SAMD8: variants seen among roughly 807,000 people sequenced by gnomAD.
The protein encoded by SAMD8 is sterile alpha motif domain containing 8.
SAMD8 carries 20 observed loss-of-function variants against 42.0 expected under a neutral mutation model. The ratio of observed to expected loss-of-function variants is 0.48; its 90% CI spans 0.34 to 0.69. SAMD8 has a LOEUF of 0.69. Ranked by LOEUF, SAMD8 falls within the 30% of genes least tolerant of loss-of-function variation. The pLI is 0.01. For missense variants in SAMD8, 328 were observed against 511.6 expected (o/e 0.64, Z 3.46); for synonymous variants, 162 against 173.0 (o/e 0.94, Z 0.50).
At chr10:75,141,702 C>T (rs1277624589) in intron 1 of SAMD8, among the ~76,000 whole-genome samples, 3 of 151,208 alleles carry the variant, frequency 2.0e-5, no homozygotes, top group Admixed American at 1.3e-4. Flanking sequence ...CCACCATGCC[C>T]GGCTAATTTT....
At chr10:75,148,291 A>G (rs867737146) in intron 1 of SAMD8, among the ~76,000 whole-genome samples, 3 of 150,580 alleles carry the variant, frequency 2.0e-5, no homozygotes, top group Admixed American at 6.6e-5. Context: ...AAGTTACTGT[A>G]AGTCTTCGTG....
upstream of SAMD8, among the ~76,000 whole-genome samples, chr10:75,107,549 G>A (rs1373859462): frequency 6.6e-6 from 1 of 152,060 alleles, no homozygotes; most frequent in African/African-American, 2.4e-5. Context: ...AATCGGGTTC[G>A]ACAAAATGCT....
At chr10:75,160,298 G>A (rs1206012541) in intron 2 of SAMD8, among the ~76,000 whole-genome samples, 3 of 151,802 alleles carry the variant, frequency 2.0e-5, no homozygotes, top group East Asian at 1.9e-4. Flanking sequence ...CTGGGTTCAC[G>A]CCATTCTCCT....
In SAMD8 at chr10:75,149,002, CT is replaced by C. The variant is rs200219461; in HGVS notation, c.-15-1505del. On this transcript the variant is annotated intron_variant, in intron 1 of 5. Coordinates refer to ENST00000542569, the MANE Select transcript of SAMD8 (RefSeq NM_001174156.2). The stretch of plus-strand genomic sequence containing the variant: ...GAACATTTGTATTAGAACAGTTTTT[CT>C]TTTTTTCAAGCTGGGTAATAGGCAC... Among the ~76,000 whole-genome samples the C allele has an allele frequency of 8.7e-3, 1,314 of 151,736 alleles. 7 individuals are homozygous for C. Among genetic ancestry groups the C allele is most frequent in the Non-Finnish European group, 0.016 (1,076 of 67,864 alleles).
chr10:75,102,002 A>G (rs746920766), intron 1 of SAMD8: 1 of 1,332,288 alleles, frequency 7.5e-7, no homozygotes, highest in East Asian at 4.7e-5. Flanking sequence ...CATGCTGTCT[A>G]CTCCCCTCTT....
intron 3 of SAMD8, among the ~76,000 whole-genome samples, chr10:75,166,522 T>A (rs192475824): frequency 2.0e-5 from 3 of 152,108 alleles, no homozygotes; most frequent in African/African-American, 7.2e-5. Context: ...TAAACCACAG[T>A]GATGAGCTTT....
chr10:75,107,514 G>T (rs1848586702), upstream of SAMD8, among the ~76,000 whole-genome samples: 1 of 152,160 alleles, frequency 6.6e-6, no homozygotes, highest in Non-Finnish European at 1.5e-5. Context: ...TGTATTCCAG[G>T]CCTCAGTTTC....
rs563923231 is a variant in SAMD8 at position 75,136,244 on chromosome 10, T to C, written c.-15-14270T>C. 3.3e-5 allele frequency among the ~76,000 whole-genome samples: 5 copies of C among 152,310 alleles called. No homozygotes were observed. The South Asian group carries it at 1.0e-3, about 32-fold the overall frequency. On this transcript the variant is annotated intron_variant, in intron 1 of 5. Coordinates refer to ENST00000542569, the MANE Select transcript of SAMD8 (RefSeq NM_001174156.2). ...TGTTTTGTGTAAGTTACTAATAGGT[T>C]ATTTTACTATTCAAGTCTTTTTCCC...
intron 2 of SAMD8, among the ~76,000 whole-genome samples, chr10:75,163,263 T>C (rs1238087487): frequency 5.3e-5 from 8 of 152,150 alleles, no homozygotes; most frequent in Non-Finnish European, 1.2e-4. Flanking sequence ...TCCCTAGTTA[T>C]AAAATTAACA....
In SAMD8 at chr10:75,176,403, G is replaced by A; in HGVS notation, c.959G>A (p.Trp320Ter). The change falls in exon 6 of 6, where the codon TGG becomes TAG. Residue 320 changes from tryptophan to a stop codon, truncating the protein, a stop_gained. Coordinates refer to ENST00000542569, the MANE Select transcript of SAMD8 (RefSeq NM_001174156.2). LOFTEE classifies it high-confidence loss of function. The surrounding 1 kb of genome is among the most constrained non-coding windows in gnomAD (Gnocchi z 4.3). ...CTTTTCCTAGATACACCAAGAAGCT[G>A]GAATTTCTTGCACACTTTATCCTGG... ...FFVTEYTPRS[W>*]NFLHTLSWVL... The A allele has an allele frequency of 6.5e-7, 1 of 1,546,506 alleles. No homozygotes were observed. The highest frequency in any genetic ancestry group is 8.7e-7 in the Non-Finnish European group (1 of 1,145,994).
At chr10:75,130,227 C>T (rs1253777791) in intron 1 of SAMD8, among the ~76,000 whole-genome samples, 1 of 151,918 alleles carries the variant, frequency 6.6e-6, no homozygotes, top group Middle Eastern at 3.2e-3. Flanking sequence ...ATCAGCCAGG[C>T]ACGGTGACTC....
Position 75,178,711 on chromosome 10 carries a change from C to G in SAMD8, c.*2019C>G, listed in dbSNP as rs116872521. On this transcript the variant is annotated 3_prime_UTR_variant, in exon 6 of 6. Transcript: ENST00000542569. The stretch of plus-strand genomic sequence containing the variant: ...TATGAATAACCACTGCATTCCAGCC[C>G]GGGCAAGGTAGCAAGACCCATTCTC... The G allele has an allele frequency of 6.6e-6, 1 of 152,014 alleles. No homozygotes were observed. The highest frequency in any genetic ancestry group is 2.1e-4 in the South Asian group (1 of 4,824). The allele number at this position is 152,014 out of a possible 1,614,324, so 9.4% of individuals were successfully genotyped here. A position where few individuals can be genotyped will look rare whatever the true frequency, so the allele number is the denominator to read the frequency against.
chr10:75,101,295 C>A (rs1220744397), intron 1 of SAMD8, among the ~76,000 whole-genome samples: 2 of 152,154 alleles, frequency 1.3e-5, no homozygotes, highest in Admixed American at 1.3e-4. Flanking sequence ...ATGTAAAGCA[C>A]CTCCCACAGG....
intron 1 of SAMD8, among the ~76,000 whole-genome samples, chr10:75,135,064 AAAAAAAC>A (rs777265913): frequency 1.8e-4 from 28 of 152,246 alleles, no homozygotes; most frequent in African/African-American, 2.6e-4. Flanking sequence ...CTGTCTCTAG[AAAAAAAC>A]AAAAAACAAA....
rs933809899 is a variant in SAMD8 at position 75,101,948 on chromosome 10, A to G, written c.-16+2220A>G. 3 of 1,367,630 alleles carry G rather than the reference A, an allele frequency of 2.2e-6. No homozygotes were observed. In the African/African-American group the frequency reaches 4.4e-5, roughly 20 times the overall value. The allele number at this position is 1,367,630 out of a possible 1,614,324, so 84.7% of individuals were successfully genotyped here. On this transcript the variant is annotated intron_variant, in intron 1 of 3. Coordinates refer to the SAMD8 transcript ENST00000447533. The stretch of plus-strand genomic sequence containing the variant: ...GGCTTTCAGCCGCCTGTCTCCGCAC[A>G]CTTGATGCTGTTTCTATTTTTTGAT...
intron 1 of SAMD8, among the ~76,000 whole-genome samples, chr10:75,136,917 G>A (rs1839900218): frequency 6.6e-6 from 1 of 152,098 alleles, no homozygotes; most frequent in Admixed American, 6.6e-5. Flanking sequence ...AAAAAGAACA[G>A]AAAATTACAA....
At chr10:75,130,751 T>G (rs1849257035) in intron 1 of SAMD8, among the ~76,000 whole-genome samples, 1 of 152,172 alleles carries the variant, frequency 6.6e-6, no homozygotes. Flanking sequence ...AATGTTTGAA[T>G]CCCAAATTTG....
chr10:75,174,192 C>A (rs540723716), intron 4 of SAMD8, among the ~76,000 whole-genome samples: 14 of 152,064 alleles, frequency 9.2e-5, no homozygotes, highest in African/African-American at 3.4e-4. Flanking sequence ...TGCAGTGGCG[C>A]GATCTCTGTT....
rs796847494 is a variant in SAMD8 at position 75,156,889 on chromosome 10, A to G, written c.578+5783A>G. On this transcript the variant is annotated intron_variant, in intron 2 of 5. Coordinates refer to ENST00000542569, the MANE Select transcript of SAMD8 (RefSeq NM_001174156.2). ...TTTTTGGGACAATTAGGAAAATTGG[A>G]ATATGGACTGCATGTTAAATAATGG... is the stretch of plus-strand genomic sequence containing the variant. 1.8e-4 allele frequency among the ~76,000 whole-genome samples: 28 copies of G among 152,264 alleles called. 1 individual carries two copies. Among genetic ancestry groups the G allele is most frequent in the African/African-American group, 6.0e-4 (25 of 41,548 alleles).
Sources: allele counts gnomAD v4.1 joint callset (sites outside exome capture counted in the v4.1 genomes callset), GRCh38; gene constraint gnomAD v4.1.1; non-coding constraint Gnocchi (gnomAD v3.1); transcripts MANE v1.5; gene names NCBI Gene and HGNC (gene_info 2026-07-23, HGNC 2026-07-21).